The following CYP46A1 variants were observed in gnomAD, a reference collection of about 807,000 sequenced individuals.
The protein encoded by CYP46A1 is cytochrome P450 family 46 subfamily A member 1, also known as cholesterol 24-hydroxylase.
In CYP46A1, 20 loss-of-function variants were observed where a neutral mutation model predicts 63.3. That is an observed-to-expected ratio of 0.32 (90% CI 0.22 to 0.46). The LOEUF is 0.46. Ranked by LOEUF, CYP46A1 falls within the 20% of genes least tolerant of loss-of-function variation. CYP46A1 has a pLI of 1.00. For synonymous variants in CYP46A1, 268 were observed against 273.6 expected (o/e 0.98, Z 0.20); for missense variants, 445 against 670.8 (o/e 0.66, Z 3.72).
At chr14:99,711,251 A>G (rs2056728652) in intron 7 of CYP46A1, 1 of 152,148 alleles carries the variant, frequency 6.6e-6, no homozygotes, top group Non-Finnish European at 1.5e-5. Flanking sequence ...TCAAGGAATT[A>G]GAAAAGCAAG....
At chr14:99,692,771 A>C (rs2056554825) in intron 3 of CYP46A1, among the ~76,000 whole-genome samples, 1 of 152,052 alleles carries the variant, frequency 6.6e-6, no homozygotes. Context: ...CAGAAGTTGC[A>C]GTGAGCTGAG....
chr14:99,684,733 C>A (rs901190467), intron 1 of CYP46A1, 197 bp downstream of exon 1: 9 of 649,696 alleles, frequency 1.4e-5, no homozygotes, highest in Non-Finnish European at 2.6e-5. Flanking sequence ...GGGCGCCCAC[C>A]GCGCACAGCT....
Position 99,727,141 on chromosome 14 carries a change from C to G in CYP46A1, c.*414C>G, listed in dbSNP as rs565708040. ...CACCTGTGCTACCTCTAACACCACACTGACCACACTGTATCGTGAGTGTCC... is the reference window on the plus strand; with the variant it reads ...CACCTGTGCTACCTCTAACACCACAGTGACCACACTGTATCGTGAGTGTCC... On this transcript the variant is annotated 3_prime_UTR_variant, in exon 15 of 15. Transcript: ENST00000261835. 5.4e-6 allele frequency: 1 copy of G among 186,690 alleles called. No homozygotes were observed. The highest frequency in any genetic ancestry group is 1.1e-5 in the Non-Finnish European group (1 of 90,638). The allele number at this position is 186,690 out of a possible 1,614,324, so 11.6% of individuals were successfully genotyped here. A position where few individuals can be genotyped will look rare whatever the true frequency, so the allele number is the denominator to read the frequency against.
At position 99,725,612 on chromosome 14, in the gene CYP46A1, A is replaced by G; in HGVS notation, c.1265+133A>G. On this transcript the variant is annotated intron_variant, in intron 13 of 14. Coordinates refer to ENST00000261835, the MANE Select transcript of CYP46A1 (RefSeq NM_006668.2). This position sits in a 1 kb window ranked among gnomAD's most constrained non-coding sequence, Gnocchi z 4.2. ...GATCCCTGTGAGGTGGTTGTGGAGG[A>G]AATCACAGCTCAGAGAGGTTAAGTA... 1.5e-6 allele frequency: 1 copy of G among 673,082 alleles called. No individual in the cohort carries two copies. The highest frequency in any genetic ancestry group is 2.6e-6 in the Non-Finnish European group (1 of 383,160). 41.7% of individuals were successfully genotyped at this position (673,082 alleles called of 1,614,324 possible).
At position 99,699,475 on chromosome 14, in the gene CYP46A1, A is replaced by T; in HGVS notation, c.292A>T (p.Met98Leu). 1 of 1,614,116 alleles carries T rather than the reference A, an allele frequency of 6.2e-7. No individual in the cohort carries two copies. Among genetic ancestry groups the T allele is most frequent in the Non-Finnish European group, 8.5e-7 (1 of 1,180,006 alleles). ...TTTTGGGGATATTTAGAAGTTCCTG[A>T]TGTCAACCAAGTACAACAAGGACTC... Reference protein sequence around the residue: ...TSPESVKKFLMSTKYNKDSKM... With the variant: ...TSPESVKKFLLSTKYNKDSKM... Residue 98 changes from methionine to leucine, a missense_variant, in exon 4 of 15, where the codon ATG becomes TTG. Met to Leu is a conservative substitution (Grantham distance 15). Coordinates refer to ENST00000261835, the MANE Select transcript of CYP46A1 (RefSeq NM_006668.2).
At chr14:99,726,500 C>G in intron 14 of CYP46A1, 57 bp from the exon 15 acceptor site, 1 of 1,443,528 alleles carries the variant, frequency 6.9e-7, no homozygotes. Context: ...TGCTCATTCA[C>G]TCACTCATTC....
chr14:99,691,330 C>T (rs983819273), intron 2 of CYP46A1, 169 bp downstream of exon 2: 2 of 653,016 alleles, frequency 3.1e-6, no homozygotes, highest in African/African-American at 1.8e-5. Context: ...GCTTGGAAGC[C>T]ATGCTCTGCC....
chr14:99,690,887 C>G (rs3742375), intron 1 of CYP46A1, among the ~76,000 whole-genome samples, 194 bp from the exon 2 acceptor site: 31,415 of 151,996 alleles, frequency 0.21, 3,504 homozygotes, highest in East Asian at 0.29. Flanking sequence ...CCAAGGGGGT[C>G]TTTGGAGCTG....
At position 99,725,321 on chromosome 14, in the gene CYP46A1, G is replaced by A. The variant is rs780381202; in HGVS notation, c.1177-70G>A. The stretch of plus-strand genomic sequence containing the variant: ...CTGCTCTGAGTAGCCCTGTTGGGTG[G>A]CCTCAGTGGCTCAAGAGGTGCCAGG... On this transcript the variant is annotated intron_variant, in intron 12 of 14. Coordinates refer to ENST00000261835, the MANE Select transcript of CYP46A1 (RefSeq NM_006668.2). This position sits in a 1 kb window ranked among gnomAD's most constrained non-coding sequence, Gnocchi z 4.2. 3 of 1,246,334 alleles carry A rather than the reference G, an allele frequency of 2.4e-6. No individual in the cohort carries two copies. The highest frequency in any genetic ancestry group is 3.5e-6 in the Non-Finnish European group (3 of 848,830). 77.2% of individuals were successfully genotyped at this position (1,246,334 alleles called of 1,614,324 possible). A position where few individuals can be genotyped will look rare whatever the true frequency, so the allele number is the denominator to read the frequency against.
Position 99,727,131 on chromosome 14 carries a change from T to G in CYP46A1, c.*404T>G. The stretch of plus-strand genomic sequence containing the variant: ...CTCCCTCGGTCACCTGTGCTACCTC[T>G]AACACCACACTGACCACACTGTATC... On this transcript the variant is annotated 3_prime_UTR_variant, in exon 15 of 15. Coordinates refer to ENST00000261835, the MANE Select transcript of CYP46A1 (RefSeq NM_006668.2). 5.1e-6 allele frequency: 1 copy of G among 195,444 alleles called. No individual in the cohort carries two copies. Among genetic ancestry groups the G allele is most frequent in the South Asian group, 1.9e-4 (1 of 5,358 alleles). 12.1% of individuals were successfully genotyped at this position (195,444 alleles called of 1,614,324 possible). A position where few individuals can be genotyped will look rare whatever the true frequency, so the allele number is the denominator to read the frequency against.
rs71113218 is a variant in CYP46A1 at position 99,713,865 on chromosome 14, CAA to C, written c.694-1921_694-1920del. ...TGGCTGACAGAGTGAGACTCCATCTCAAAAAAAAAAAAAAAAAAAAAAAAAGA... is the reference window on the plus strand; with the variant it reads ...TGGCTGACAGAGTGAGACTCCATCTCAAAAAAAAAAAAAAAAAAAAAAAGA... On this transcript the variant is annotated intron_variant, in intron 7 of 14. Coordinates refer to ENST00000261835, the MANE Select transcript of CYP46A1 (RefSeq NM_006668.2). 4.7e-3 allele frequency among the ~76,000 whole-genome samples: 318 copies of C among 67,462 alleles called. 1 individual carries two copies. The highest frequency in any genetic ancestry group is 0.02 in the African/African-American group (300 of 14,790). The allele number at this position is 67,462 out of a possible 152,430, so 44.3% of individuals were successfully genotyped here.
At chr14:99,699,427 G>T (rs376906220) in intron 3 of CYP46A1, 39 bp from the exon 4 acceptor site, 1 of 1,590,032 alleles carries the variant, frequency 6.3e-7, no homozygotes, top group Non-Finnish European at 8.6e-7. Flanking sequence ...AGCTACTCAT[G>T]GGTGCATGAG....
rs2056611676 is a variant in CYP46A1 at position 99,699,369 on chromosome 14, C to G, written c.283-97C>G. The G allele has an allele frequency of 9.1e-6, 11 of 1,205,454 alleles. No homozygotes were observed. In the South Asian group the frequency reaches 1.4e-4, roughly 15 times the overall value. 74.7% of individuals were successfully genotyped at this position (1,205,454 alleles called of 1,614,324 possible). ...GGAAGTGGGCACACTGCGGCTGAGA[C>G]TCAGCCAATGGTGATTATTTGGGGC... On this transcript the variant is annotated intron_variant, in intron 3 of 14. Coordinates refer to ENST00000261835, the MANE Select transcript of CYP46A1 (RefSeq NM_006668.2).
chr14:99,693,721 C>T (rs1396424373), intron 3 of CYP46A1: 1 of 152,096 alleles, frequency 6.6e-6, no homozygotes, highest in Non-Finnish European at 1.5e-5. Context: ...TATAATTCAC[C>T]AGTGAAGTCA....
chr14:99,703,540 A>G, intron 5 of CYP46A1: 3 of 975,964 alleles, frequency 3.1e-6, no homozygotes, highest in Non-Finnish European at 3.7e-6. Flanking sequence ...CTTTCTGGAA[A>G]CCACTGTGCT....
intron 5 of CYP46A1, among the ~76,000 whole-genome samples, chr14:99,705,451 ATCC>A (rs1234450844): frequency 1.3e-5 from 2 of 152,132 alleles, no homozygotes; most frequent in Non-Finnish European, 2.9e-5. Context: ...GCCGCAAGCA[ATCC>A]TCCTGCTCTC....
intron 1 of CYP46A1, chr14:99,684,871 C>T: frequency 2.4e-6 from 1 of 412,714 alleles, no homozygotes; most frequent in South Asian, 1.8e-5. Context: ...GGTTGGTAAG[C>T]CTAGATTTAA....
At chr14:99,703,142 T>C (rs1951575) in intron 5 of CYP46A1, among the ~76,000 whole-genome samples, 47,812 of 152,144 alleles carry the variant, frequency 0.31, 8,136 homozygotes, top group South Asian at 0.39. Flanking sequence ...TGCTGTGTCC[T>C]CTGTGGGGCA....
chr14:99,717,095 A>G (rs911151840), intron 9 of CYP46A1, among the ~76,000 whole-genome samples: 3 of 152,138 alleles, frequency 2.0e-5, no homozygotes, highest in Non-Finnish European at 4.4e-5. Context: ...GATAGAAAGG[A>G]CTTGCGGAAC....
Sources: allele counts gnomAD v4.1 joint callset (sites outside exome capture counted in the v4.1 genomes callset), GRCh38; gene constraint gnomAD v4.1.1; non-coding constraint Gnocchi (gnomAD v3.1); transcripts MANE v1.5; gene names NCBI Gene and HGNC (gene_info 2026-07-23, HGNC 2026-07-21).